The following NLRC5 variants were observed in gnomAD, a reference collection of about 807,000 sequenced individuals.
NLRC5 encodes the protein NLR family CARD domain containing 5.
NLRC5 carries 114 observed loss-of-function variants against 206.9 expected under a neutral mutation model. The ratio of observed to expected loss-of-function variants is 0.55; its 90% CI spans 0.47 to 0.64. The LOEUF (loss-of-function observed/expected upper bound fraction) is 0.64, where lower values mean the gene tolerates loss of function less well. Among genes scored for constraint, NLRC5 ranks in the 30% least tolerant of loss-of-function variants. The probability of loss-of-function intolerance (pLI) is 0.00; values close to 1 mark genes in which losing one functional copy is unlikely to be tolerated. For missense variants in NLRC5, 2,008 were observed against 2,305.5 expected (o/e 0.87, Z 2.64); for synonymous variants, 952 against 962.8 (o/e 0.99, Z 0.21).
chr16:57,074,405 G>A, intron 38 of NLRC5, 195 bp from the exon 39 acceptor site: 1 of 581,278 alleles, frequency 1.7e-6, no homozygotes, highest in Non-Finnish European at 3.2e-6. Flanking sequence ...CTGCCTGCCT[G>A]ACCTCAGTAA....
intron 6 of NLRC5, 40 bp downstream of exon 6, chr16:57,027,058 T>C: frequency 1.3e-6 from 2 of 1,584,250 alleles, no homozygotes; most frequent in Non-Finnish European, 1.7e-6. Flanking sequence ...GGGATTGGGC[T>C]TTTGGGGGAG....
At chr16:57,031,350 T>C (rs1263181651) in intron 10 of NLRC5, 54 bp from the exon 11 acceptor site, 1 of 1,582,582 alleles carries the variant, frequency 6.3e-7, no homozygotes, top group South Asian at 1.1e-5. Context: ...CTGTGGTGGG[T>C]GATGTGCTGG....
chr16:57,047,892 C>G, intron 23 of NLRC5: 1 of 513,180 alleles, frequency 1.9e-6, no homozygotes, highest in Non-Finnish European at 3.5e-6. Context: ...CTCAGGGCAC[C>G]TGGGAGCCCT....
Position 57,041,537 on chromosome 16 carries a change from C to G in NLRC5, c.2992C>G (p.Leu998Val). 1 of 1,614,162 alleles carries G rather than the reference C, an allele frequency of 6.2e-7. No homozygotes were observed. The highest frequency in any genetic ancestry group is 1.1e-5 in the South Asian group (1 of 91,080). Residue 998 changes from leucine to valine, a missense_variant, in exon 18 of 49, where the codon CTG becomes GTG. Transcript: ENST00000688547. ...GCACCTAGAGCAGCTCTGCAAGGCT[C>G]TGGGAGGAAGCTGCCACCTCGGTCA... ...EKHLEQLCKA[L>V]GGSCHLGHLH...
intron 1 of NLRC5, among the ~76,000 whole-genome samples, chr16:57,002,645 G>GTTTTTTTT (rs61167610): frequency 2.1e-5 from 2 of 94,742 alleles, no homozygotes; most frequent in African/African-American, 3.9e-5. Context: ...GTTTTTTTTT[G>GTTTTTTTT]TTTTTTTTTT....
intron 43 of NLRC5, 81 bp from the exon 44 acceptor site, chr16:57,078,969 T>C: frequency 7.8e-7 from 1 of 1,284,164 alleles, no homozygotes; most frequent in South Asian, 1.2e-5. Flanking sequence ...GGGCTGGCAC[T>C]GCAGCCTGAG....
chr16:57,071,479 G>GT (rs1483250037), intron 38 of NLRC5, among the ~76,000 whole-genome samples: 4 of 142,882 alleles, frequency 2.8e-5, no homozygotes, highest in South Asian at 4.7e-4. Context: ...ATGGGGAAGG[G>GT]GGTGAGTGAG....
chr16:57,037,161 C>A, intron 14 of NLRC5, 34 bp from the exon 15 acceptor site: 1 of 1,585,718 alleles, frequency 6.3e-7, no homozygotes, highest in Non-Finnish European at 8.7e-7. Flanking sequence ...ACCTCAGCCA[C>A]ATGCCAACGG....
chr16:57,042,694 A>G (rs2063436480), intron 19 of NLRC5, among the ~76,000 whole-genome samples: 1 of 152,200 alleles, frequency 6.6e-6, no homozygotes, highest in Non-Finnish European at 1.5e-5. Context: ...TGTCTCTGTG[A>G]ACACGCTTTG....
chr16:57,006,229 C>A (rs144032256), intron 1 of NLRC5, among the ~76,000 whole-genome samples: 1 of 151,836 alleles, frequency 6.6e-6, no homozygotes, highest in Non-Finnish European at 1.5e-5. Flanking sequence ...AAACTCCTGA[C>A]CTCAAGTGAT....
intron 33 of NLRC5, 32 bp downstream of exon 33, chr16:57,065,330 CT>C: frequency 6.9e-7 from 1 of 1,455,952 alleles, no homozygotes; most frequent in Non-Finnish European, 9.3e-7. Flanking sequence ...CTTTGGAATT[CT>C]TCATCTTTCA....
intron 11 of NLRC5, among the ~76,000 whole-genome samples, chr16:57,032,427 C>G (rs2061984220): frequency 6.6e-6 from 1 of 152,000 alleles, no homozygotes; most frequent in South Asian, 2.1e-4. Flanking sequence ...ACTTTCTTTT[C>G]CCTCTAACTG....
At chr16:57,071,071 A>AGGGGGT (rs2067659788) in intron 38 of NLRC5, among the ~76,000 whole-genome samples, 9 of 81,400 alleles carry the variant, frequency 1.1e-4, no homozygotes, top group African/African-American at 2.2e-4. Context: ...TTAATGGGGA[A>AGGGGGT]GAGTTGTGAG....
At chr16:57,061,877 C>T in intron 32 of NLRC5, 176 bp downstream of exon 32, 2 of 1,535,106 alleles carry the variant, frequency 1.3e-6, no homozygotes, top group Non-Finnish European at 1.7e-6. Context: ...ACAAGGCACA[C>T]AGAGAAACTG....
intron 1 of NLRC5, among the ~76,000 whole-genome samples, chr16:56,996,772 T>A (rs187020485): frequency 6.6e-6 from 1 of 152,202 alleles, no homozygotes; most frequent in African/African-American, 2.4e-5. Context: ...AAAGACATAA[T>A]AAAATGATAA....
chr16:57,011,836 A>G (rs2059540819), intron 1 of NLRC5, among the ~76,000 whole-genome samples: 1 of 152,226 alleles, frequency 6.6e-6, no homozygotes, highest in African/African-American at 2.4e-5. Flanking sequence ...AAAAAAAGGC[A>G]ATAAAGAATA....
rs1190104578 is a variant in NLRC5, at chr16:57,070,759, A to C, written c.4667+141A>C. ...TGGTTAATGGGGAATGGGGTGAGTG[A>C]GTGGTGGGAGTGGTTAATGGGGAAT... On this transcript the variant is annotated intron_variant, in intron 38 of 48. Transcript: ENST00000688547. 5.0e-6 allele frequency: 3 copies of C among 604,756 alleles called. No homozygotes were observed. The African/African-American group carries it at 6.4e-5, about 13-fold the overall frequency. 37.5% of individuals were successfully genotyped at this position (604,756 alleles called of 1,614,324 possible). A position where few individuals can be genotyped will look rare whatever the true frequency, so the allele number is the denominator to read the frequency against.
chr16:57,076,968 G>C lies in NLRC5; in HGVS notation c.4835+66G>C, dbSNP rs2068481089. On this transcript the variant is annotated intron_variant, in intron 40 of 48. Transcript: ENST00000688547. Reference sequence around the variant, plus strand: ...GCCGGGAAAGATGACAAGGGCAAGGGGCTACCTGAGCACGCCCTTTGCTTC... The same window carrying C: ...GCCGGGAAAGATGACAAGGGCAAGGCGCTACCTGAGCACGCCCTTTGCTTC... The C allele has an allele frequency of 9.5e-6, 13 of 1,371,950 alleles. 1 individual carries two copies. The South Asian group carries it at 1.4e-4, about 15-fold the overall frequency. The allele number at this position is 1,371,950 out of a possible 1,614,324, so 85.0% of individuals were successfully genotyped here.
chr16:57,075,376 C>A (rs572523136), intron 39 of NLRC5, among the ~76,000 whole-genome samples: 1 of 152,196 alleles, frequency 6.6e-6, no homozygotes, highest in Non-Finnish European at 1.5e-5. Context: ...TGTGCCACCA[C>A]GCCCGGCTAA....
Sources: gnomAD v4.1 joint callset for allele counts (sites outside exome capture counted in the v4.1 genomes callset) on GRCh38, gnomAD v4.1.1 for gene constraint, MANE v1.5 for transcripts, NCBI Gene and HGNC (gene_info 2026-07-23, HGNC 2026-07-21) for gene names.